The following TMEM237 variants were observed in gnomAD, a reference collection of about 807,000 sequenced individuals.
TMEM237 encodes the protein transmembrane protein 237.
Under a neutral mutation model 59.1 loss-of-function variants are expected in TMEM237, and 51 were observed. That is an observed-to-expected ratio of 0.86 (90% CI 0.69 to 1.09). The LOEUF (loss-of-function observed/expected upper bound fraction) is 1.09. TMEM237 is among the 50% of genes least tolerant of loss of function. TMEM237 has a pLI of 0.00. For synonymous variants in TMEM237, 140 were observed against 166.1 expected (o/e 0.84, Z 1.21); for missense variants, 475 against 478.3 (o/e 0.99, Z 0.06).
chr2:201,638,902 C>T (rs1219871432), intron 4 of TMEM237, 87 bp downstream of exon 4: 1 of 1,276,138 alleles, frequency 7.8e-7, no homozygotes, highest in African/African-American at 1.5e-5. Context: ...GCTGCTGGGG[C>T]CTTAATTCTC....
At position 201,626,166 on chromosome 2, in the gene TMEM237, T is replaced by G. The variant is rs751757163; in HGVS notation, c.1038-19A>C. On this transcript the variant is annotated intron_variant, in intron 11 of 12. Coordinates refer to ENST00000409883, the MANE Select transcript of TMEM237 (RefSeq NM_001044385.3). ...TGCTTCCCTAAAAATGTAGAAACAC[T>G]CATTAGAAGTGCCTTCAGTTTGGTT... The G allele has an allele frequency of 1.9e-6, 3 of 1,607,018 alleles. No homozygotes were observed. In the East Asian group the frequency reaches 6.7e-5, roughly 36 times the overall value.
Position 201,628,646 on chromosome 2 carries a change from CACAGAT to C in TMEM237, c.870-503_870-498del, listed in dbSNP as rs1011197935. On this transcript the variant is annotated intron_variant, in intron 9 of 12. Transcript: ENST00000409883. ...TGACTGCTGTCCTTATTAGAATAGA[CACAGAT>C]ACAGAGATACACAGGGGGAAAGTGC... Among the ~76,000 whole-genome samples, 130 of 152,190 alleles carry C rather than the reference CACAGAT, an allele frequency of 8.5e-4. 1 individual carries two copies. Among genetic ancestry groups the C allele is most frequent in the African/African-American group, 3.1e-3 (128 of 41,518 alleles).
chr2:201,632,097 G>A lies in TMEM237; in HGVS notation c.507C>T (p.Pro169=), dbSNP rs1957812783. ...TGCCTACAGGCTGGCTAATGCCAGT[G>A]GGTGCAGTGAATACAGACTGCTGTT... is the stretch of plus-strand genomic sequence containing the variant. ...TVEQQSVFTA[P]TGISQPVGKV... The change falls in exon 7 of 13, where the codon CCC becomes CCT. Residue 169 remains proline, a synonymous_variant. Coordinates refer to ENST00000409883, the MANE Select transcript of TMEM237 (RefSeq NM_001044385.3). The A allele has an allele frequency of 1.9e-6, 3 of 1,613,754 alleles. No individual in the cohort carries two copies. The highest frequency in any genetic ancestry group is 2.5e-6 in the Non-Finnish European group (3 of 1,179,826).
intron 11 of TMEM237, among the ~76,000 whole-genome samples, chr2:201,627,096 A>AC (rs1453624328): frequency 2.5e-4 from 38 of 151,458 alleles, no homozygotes; most frequent in African/African-American, 8.5e-4. Context: ...AAAAAAAACT[A>AC]TAACTTGAAG....
intron 10 of TMEM237, 86 bp from the exon 11 acceptor site, chr2:201,627,500 T>C (rs192222941): frequency 7.9e-6 from 7 of 886,236 alleles, no homozygotes; most frequent in Non-Finnish European, 1.2e-5. Flanking sequence ...AAATAATCTA[T>C]ACTTTCATGA....
chr2:201,631,755 A>AT (rs919346354), intron 7 of TMEM237, among the ~76,000 whole-genome samples: 3 of 152,114 alleles, frequency 2.0e-5, no homozygotes, highest in Non-Finnish European at 4.4e-5. Flanking sequence ...GTATATGCTC[A>AT]TTTTTTATCA....
intron 6 of TMEM237, 80 bp downstream of exon 6, chr2:201,633,231 G>A (rs1687217549): frequency 7.0e-7 from 1 of 1,424,642 alleles, no homozygotes; most frequent in Non-Finnish European, 9.4e-7. Context: ...AAGACTTAAT[G>A]AGAAGCTACT....
chr2:201,633,109 A>C (rs1687210408), intron 6 of TMEM237, among the ~76,000 whole-genome samples: 1 of 151,450 alleles, frequency 6.6e-6, no homozygotes, highest in African/African-American at 2.4e-5. Flanking sequence ...TACAATCTTA[A>C]TTTTTTTTAT....
rs1371247748 is a variant in TMEM237 at position 201,635,461 on chromosome 2, A to G, written c.274+1287T>C. On this transcript the variant is annotated intron_variant, in intron 5 of 12. Coordinates refer to ENST00000409883, the MANE Select transcript of TMEM237 (RefSeq NM_001044385.3). The surrounding 1 kb of genome is among the most constrained non-coding windows in gnomAD (Gnocchi z 4.5). ...ACAATGCCAAGGACTGTCAACAACC[A>G]TAAGAAGCTAGAAGAAATGGCCAGG... Among the ~76,000 whole-genome samples the G allele has an allele frequency of 1.3e-5, 2 of 152,236 alleles. No homozygotes were observed. The highest frequency in any genetic ancestry group is 6.5e-5 in the Admixed American group (1 of 15,278).
At chr2:201,641,525 C>T (rs1451454207) in intron 1 of TMEM237, among the ~76,000 whole-genome samples, 1 of 151,878 alleles carries the variant, frequency 6.6e-6, no homozygotes, top group Non-Finnish European at 1.5e-5. Context: ...ATTAGGAATA[C>T]ACTAATGAAC....
At position 201,633,439 on chromosome 2, in the gene TMEM237, C is replaced by A; in HGVS notation, c.275-8G>T. On this transcript the variant is annotated splice_polypyrimidine_tract_variant and splice_region_variant and intron_variant, in intron 5 of 12. Coordinates refer to ENST00000409883, the MANE Select transcript of TMEM237 (RefSeq NM_001044385.3). ...TGGAGGAAGTCTCCAATTCTGAAAA[C>A]AAAATAAATTTAACTTTTCAAATAA... 6.6e-7 allele frequency: 1 copy of A among 1,510,360 alleles called. No individual in the cohort carries two copies. 93.6% of individuals were successfully genotyped at this position (1,510,360 alleles called of 1,614,324 possible). A position where few individuals can be genotyped will look rare whatever the true frequency, so the allele number is the denominator to read the frequency against.
At chr2:201,631,940 A>T in intron 7 of TMEM237, 111 bp downstream of exon 7, 1 of 1,157,812 alleles carries the variant, frequency 8.6e-7, no homozygotes, top group South Asian at 1.6e-5. Flanking sequence ...TTGTGTATAA[A>T]TTGTTGTACA....
At chr2:201,624,369 C>A in intron 12 of TMEM237, 47 bp from the exon 13 acceptor site, 1 of 1,457,226 alleles carries the variant, frequency 6.9e-7, no homozygotes, top group South Asian at 1.2e-5. Context: ...TTTCCCAGTA[C>A]CTCCAACAGA....
In TMEM237 at chr2:201,643,429, G is replaced by A. The variant is rs1687475976; in HGVS notation, c.-29C>T. 6.1e-6 allele frequency: 9 copies of A among 1,480,124 alleles called. No homozygotes were observed. The highest frequency in any genetic ancestry group is 8.1e-6 in the Non-Finnish European group (9 of 1,113,544). 91.7% of individuals were successfully genotyped at this position (1,480,124 alleles called of 1,614,324 possible). Reference sequence around the variant, plus strand: ...GCTCTCCCCGCGGGGCTGCCCCGGCGCAACCGCCGGCGGCCCGAGCCCAGC... The same window carrying A: ...GCTCTCCCCGCGGGGCTGCCCCGGCACAACCGCCGGCGGCCCGAGCCCAGC... On this transcript the variant is annotated 5_prime_UTR_variant, in exon 1 of 13. Transcript: ENST00000409883. The surrounding 1 kb of genome is among the most constrained non-coding windows in gnomAD (Gnocchi z 4.3).
intron 1 of TMEM237, among the ~76,000 whole-genome samples, chr2:201,642,406 A>G (rs1287415812): frequency 6.6e-6 from 1 of 152,222 alleles, no homozygotes; most frequent in African/African-American, 2.4e-5. Flanking sequence ...GAAGAATGAC[A>G]GTCACAGGAA....
intron 11 of TMEM237, 117 bp downstream of exon 11, chr2:201,627,204 C>T: frequency 3.0e-6 from 2 of 662,748 alleles, no homozygotes; most frequent in Non-Finnish European, 5.1e-6. Flanking sequence ...ATTTTCTTGC[C>T]ATATATTTGG....
chr2:201,631,916 C>CA, intron 7 of TMEM237, 135 bp downstream of exon 7: 1 of 876,262 alleles, frequency 1.1e-6, no homozygotes, highest in Admixed American at 2.6e-5. Flanking sequence ...TGAATCATAG[C>CA]ATGATGACCA....
chr2:201,641,209 C>T (rs1033616972), intron 1 of TMEM237, among the ~76,000 whole-genome samples: 5 of 152,136 alleles, frequency 3.3e-5, no homozygotes, highest in African/African-American at 1.2e-4. Flanking sequence ...CCAGGCTGGT[C>T]TTGAACTCCT....
chr2:201,642,700 C>A (rs757627407), intron 1 of TMEM237: 11 of 1,583,262 alleles, frequency 6.9e-6, no homozygotes, highest in Non-Finnish European at 8.6e-6. Context: ...CTCGGTCGCG[C>A]GCGCAGGCGC....
Sources: allele counts gnomAD v4.1 joint callset (sites outside exome capture counted in the v4.1 genomes callset), GRCh38; gene constraint gnomAD v4.1.1; non-coding constraint Gnocchi (gnomAD v3.1); transcripts MANE v1.5; gene names NCBI Gene and HGNC (gene_info 2026-07-23, HGNC 2026-07-21).